The following GTF2H3 variants were observed in gnomAD, a reference collection of about 807,000 sequenced individuals.
GTF2H3 encodes the protein general transcription factor IIH subunit 3.
Under a neutral mutation model 51.1 loss-of-function variants are expected in GTF2H3, and 42 were observed. The observed-to-expected ratio is 0.82, with a 90% CI of 0.64 to 1.06. The LOEUF (loss-of-function observed/expected upper bound fraction) is 1.06. GTF2H3 is among the 50% of genes least tolerant of loss of function. The pLI, the probability that GTF2H3 is intolerant of heterozygous loss-of-function variation, is 0.00. For synonymous variants in GTF2H3, 123 were observed against 123.8 expected, an observed-to-expected ratio of 0.99 and a Z score of 0.04; for missense variants, 326 against 366.1, an observed-to-expected ratio of 0.89 and a Z score of 0.89.
intron 10 of GTF2H3, 79 bp downstream of exon 10, chr12:123,659,663 A>G: frequency 2.0e-6 from 3 of 1,506,986 alleles, no homozygotes; most frequent in Non-Finnish European, 1.8e-6. Context: ...TGGAAGCAAG[A>G]TGGCTGGTGC....
chr12:123,642,187 T>C (rs1165438267), intron 2 of GTF2H3, among the ~76,000 whole-genome samples: 1 of 150,478 alleles, frequency 6.6e-6, no homozygotes, highest in East Asian at 2.0e-4. Context: ...CTTTTTTTTT[T>C]TGAGACAGAG....
intron 5 of GTF2H3, 85 bp from the exon 6 acceptor site, chr12:123,652,447 A>T: frequency 1.3e-6 from 1 of 777,986 alleles, no homozygotes; most frequent in Non-Finnish European, 2.1e-6. Flanking sequence ...GGGTTTATTT[A>T]AAATTGGAGG....
chr12:123,648,307 G>A, intron 4 of GTF2H3, 181 bp downstream of exon 4: 1 of 457,776 alleles, frequency 2.2e-6, no homozygotes, highest in Non-Finnish European at 3.8e-6. Context: ...TGACGCTGCT[G>A]AGCAGCCTTT....
chr12:123,649,783 G>T (rs1955497261), intron 4 of GTF2H3: 1 of 152,204 alleles, frequency 6.6e-6, no homozygotes, highest in Non-Finnish European at 1.5e-5. Context: ...ATCTTTTAGG[G>T]TAATGGAGAC....
rs1489441887 is a variant in GTF2H3 at position 123,662,124 on chromosome 12, A to G, written c.*1889A>G. On this transcript the variant is annotated 3_prime_UTR_variant, in exon 13 of 13. Transcript: ENST00000543341. ...CACTCCAGCCTGGGCGACAAGAACA[A>G]AACTCTGTCTCAAAAAAAAAAAAAA... 6.9e-6 allele frequency: 1 copy of G among 145,388 alleles called. No individual in the cohort carries two copies. The highest frequency in any genetic ancestry group is 6.8e-5 in the Admixed American group (1 of 14,660). The allele number at this position is 145,388 out of a possible 1,614,324, so 9.0% of individuals were successfully genotyped here.
rs569242086 is a variant in GTF2H3, at chr12:123,651,188, A to T, written c.427+132A>T. On this transcript the variant is annotated intron_variant, in intron 5 of 12. Transcript: ENST00000543341. ...ACTCTGAAGTGGAGGGTAATTTTTT[A>T]AAAAATAGTTTACATTGGCTTTGAA... 1,644 of 610,700 alleles carry T rather than the reference A, an allele frequency of 2.7e-3. 3 individuals are homozygous for T. Among genetic ancestry groups the T allele is most frequent in the Non-Finnish European group, 4.1e-3 (1,409 of 341,060 alleles). 37.8% of individuals were successfully genotyped at this position (610,700 alleles called of 1,614,324 possible).
rs75226670 is a variant in GTF2H3, at chr12:123,661,640, C to CA, written c.*1417dup. On this transcript the variant is annotated 3_prime_UTR_variant, in exon 13 of 13. Transcript: ENST00000543341. ...TGGGTGACAGAGCGAGACTCTGTAT[C>CA]AAAAAAAAAAAAGATCGGGCACGTT... 0.34 allele frequency: 44,965 copies of CA among 132,714 alleles called. 7,790 individuals are homozygous for CA. The highest frequency in any genetic ancestry group is 0.42 in the Middle Eastern group (107 of 256). 8.2% of individuals were successfully genotyped at this position (132,714 alleles called of 1,614,324 possible).
chr12:123,637,146 GTT>G (rs1955296035), intron 1 of GTF2H3, among the ~76,000 whole-genome samples: 1 of 152,134 alleles, frequency 6.6e-6, no homozygotes, highest in African/African-American at 2.4e-5. Flanking sequence ...ATACTCACAG[GTT>G]TGTATGTCTG....
intron 1 of GTF2H3, among the ~76,000 whole-genome samples, chr12:123,634,794 T>A (rs1267615282): frequency 6.6e-6 from 1 of 152,064 alleles, no homozygotes; most frequent in Non-Finnish European, 1.5e-5. Flanking sequence ...GCTAGAGGGA[T>A]GAGATCAGAG....
At chr12:123,659,700 G>A in intron 10 of GTF2H3, 95 bp from the exon 11 acceptor site, 1 of 1,440,428 alleles carries the variant, frequency 6.9e-7, no homozygotes, top group African/African-American at 1.4e-5. Context: ...GGAATAAATG[G>A]AGGCCTTGGA....
chr12:123,637,306 C>G (rs567982437), intron 1 of GTF2H3, among the ~76,000 whole-genome samples: 2 of 151,730 alleles, frequency 1.3e-5, no homozygotes, highest in East Asian at 1.9e-4. Context: ...GAGGCTGATG[C>G]AGGAGGATCA....
At position 123,655,767 on chromosome 12, in the gene GTF2H3, T is replaced by C. The variant is rs778591898; in HGVS notation, c.562-4T>C. Reference sequence around the variant, plus strand: ...CTGTAATATTTTCAAAATGTTTCTTTTAGAATATTTTGATTGATGCCTGTG... The same window carrying C: ...CTGTAATATTTTCAAAATGTTTCTTCTAGAATATTTTGATTGATGCCTGTG... On this transcript the variant is annotated splice_region_variant and splice_polypyrimidine_tract_variant and intron_variant, in intron 8 of 12. Transcript: ENST00000543341. The C allele has an allele frequency of 6.4e-7, 1 of 1,552,292 alleles. No homozygotes were observed. Among genetic ancestry groups the C allele is most frequent in the Non-Finnish European group, 8.9e-7 (1 of 1,124,638 alleles).
At chr12:123,640,940 A>G (rs1955362491) in intron 2 of GTF2H3, among the ~76,000 whole-genome samples, 1 of 152,124 alleles carries the variant, frequency 6.6e-6, no homozygotes, top group African/African-American at 2.4e-5. Context: ...AGAATGTTGC[A>G]TGTCTACTTG....
chr12:123,633,932 G>T (rs1955232556), intron 1 of GTF2H3, 60 bp downstream of exon 1: 2 of 1,571,986 alleles, frequency 1.3e-6, no homozygotes, highest in Non-Finnish European at 8.7e-7. Context: ...GTCCGGCTAC[G>T]ACTGGCCAGA....
At chr12:123,647,906 G>A in intron 3 of GTF2H3, 57 bp from the exon 4 acceptor site, 1 of 1,304,152 alleles carries the variant, frequency 7.7e-7, no homozygotes, top group Non-Finnish European at 1.1e-6. Context: ...TTCTGATCAT[G>A]AGTGAGCCTG....
At position 123,652,742 on chromosome 12, in the gene GTF2H3, T is replaced by C. The variant is rs780025108; in HGVS notation, c.486+7T>C. The C allele has an allele frequency of 6.7e-7, 1 of 1,485,422 alleles. No homozygotes were observed. The highest frequency in any genetic ancestry group is 9.1e-7 in the Non-Finnish European group (1 of 1,100,374). 92.0% of individuals were successfully genotyped at this position (1,485,422 alleles called of 1,614,324 possible). Reference sequence around the variant, plus strand: ...AATGAAATCAAGGATATTGGTAAGATAAAAAAATCATTACTTTTTTATATG... The same window carrying C: ...AATGAAATCAAGGATATTGGTAAGACAAAAAAATCATTACTTTTTTATATG... On this transcript the variant is annotated splice_region_variant and intron_variant, in intron 7 of 12. Transcript: ENST00000543341.
intron 9 of GTF2H3, among the ~76,000 whole-genome samples, chr12:123,659,096 T>C (rs117121351): frequency 2.0e-5 from 3 of 152,338 alleles, no homozygotes; most frequent in Non-Finnish European, 2.9e-5. Flanking sequence ...CCCTCCTACA[T>C]TGCTGCTGGA....
chr12:123,658,829 A>G (rs1955618078), intron 9 of GTF2H3, among the ~76,000 whole-genome samples: 1 of 152,212 alleles, frequency 6.6e-6, no homozygotes, highest in South Asian at 2.1e-4. Flanking sequence ...AGGGACTAGT[A>G]TTCTGATTAT....
chr12:123,656,027 G>T, intron 9 of GTF2H3: 1 of 433,350 alleles, frequency 2.3e-6, no homozygotes, highest in Non-Finnish European at 4.1e-6. Flanking sequence ...TATTTCCGTT[G>T]GGCAGCACTA....
Sources: gnomAD v4.1 joint callset for allele counts (sites outside exome capture counted in the v4.1 genomes callset) on GRCh38, gnomAD v4.1.1 for gene constraint, MANE v1.5 for transcripts, NCBI Gene and HGNC (gene_info 2026-07-23, HGNC 2026-07-21) for gene names.